The following ZSCAN25 variants were observed in gnomAD, a reference collection of about 807,000 sequenced individuals.
The protein encoded by ZSCAN25 is zinc finger and SCAN domain-containing protein 25.
A neutral mutation model predicts 38.7 loss-of-function variants in ZSCAN25; 27 were observed. The observed-to-expected ratio is 0.70, with a 90% CI of 0.51 to 0.96. ZSCAN25 has a LOEUF of 0.96. Among genes scored for constraint, ZSCAN25 ranks in the 40% least tolerant of loss-of-function variants. ZSCAN25 has a pLI of 0.00. For missense variants in ZSCAN25, 637 were observed against 705.9 expected (o/e 0.90, Z 1.11); for synonymous variants, 273 against 277.7 (o/e 0.98, Z 0.17).
At chr7:99,690,713 C>G in the ZSCAN25 span, among the ~76,000 whole-genome samples, 6 of 152,068 alleles carry the variant, frequency 3.9e-5, no homozygotes, top group Non-Finnish European at 8.8e-5. Context: ...CACTGGCCAT[C>G]AGAGAAATGC....
At chr7:99,633,697 T>C (rs1443074844), downstream of ZSCAN25, among the ~76,000 whole-genome samples, 2 of 152,192 alleles carry the variant, frequency 1.3e-5, no homozygotes, top group African/African-American at 4.8e-5. Flanking sequence ...TTGCAAAGTA[T>C]TGAGATTACA....
At chr7:99,618,770 T>C (rs568163586) in intron 2 of ZSCAN25, 119 bp downstream of exon 2, 7 of 152,240 alleles carry the variant, frequency 4.6e-5, no homozygotes, top group African/African-American at 9.6e-5. Context: ...AAGTTCATAA[T>C]TCTTTCTGTG....
At chr7:99,683,602 C>T in the ZSCAN25 span, among the ~76,000 whole-genome samples, 1 of 152,194 alleles carries the variant, frequency 6.6e-6, no homozygotes, top group South Asian at 2.1e-4. Flanking sequence ...GTAGTGAAAC[C>T]TCACCCATCC....
At chr7:99,651,239 G>A in the ZSCAN25 span, among the ~76,000 whole-genome samples, 1 of 152,098 alleles carries the variant, frequency 6.6e-6, no homozygotes, top group Non-Finnish European at 1.5e-5. Context: ...TTGTGTATAT[G>A]TCAAACATTC....
At chr7:99,655,564 T>C in the ZSCAN25 span, among the ~76,000 whole-genome samples, 1 of 152,242 alleles carries the variant, frequency 6.6e-6, no homozygotes. Flanking sequence ...CAATGCGGGC[T>C]CTTTTTTGGT....
the ZSCAN25 span, chr7:99,731,141 C>A: frequency 1.5e-5 from 24 of 1,613,544 alleles, 1 homozygote; most frequent in South Asian, 2.6e-4. Flanking sequence ...TCCATGTGTA[C>A]GGGTTCCATA....
chr7:99,666,662 C>T, the ZSCAN25 span: 9 of 1,613,962 alleles, frequency 5.6e-6, no homozygotes, highest in Non-Finnish European at 7.6e-6. Flanking sequence ...ACCAATACAT[C>T]TCCATACTGG....
the ZSCAN25 span, among the ~76,000 whole-genome samples, chr7:99,682,482 C>G: frequency 6.6e-6 from 1 of 152,162 alleles, no homozygotes; most frequent in Non-Finnish European, 1.5e-5. Context: ...TTTCATTGGT[C>G]TGTGTCTGTT....
At chr7:99,734,918 G>A in the ZSCAN25 span, 2 of 1,562,104 alleles carry the variant, frequency 1.3e-6, no homozygotes, top group Non-Finnish European at 1.8e-6. Context: ...ACCACGGCCA[G>A]CCTGAACATC....
At chr7:99,632,866 T>A (rs906389846), downstream of ZSCAN25, among the ~76,000 whole-genome samples, 2 of 152,184 alleles carry the variant, frequency 1.3e-5, no homozygotes, top group East Asian at 1.9e-4. Flanking sequence ...ATAATATAAT[T>A]TGTTGCTTTG....
chr7:99,627,748 ATCGTATATGCTGTATACGTATATC>A (rs1554410321), intron 7 of ZSCAN25, among the ~76,000 whole-genome samples: 1 of 150,842 alleles, frequency 6.6e-6, no homozygotes, highest in Admixed American at 6.6e-5. Context: ...GTATACGTAT[ATCGTATATGCTGTATACGTATATC>A]TCGTATATGC....
chr7:99,665,940 C>T, the ZSCAN25 span, among the ~76,000 whole-genome samples: 3 of 152,180 alleles, frequency 2.0e-5, no homozygotes, highest in Non-Finnish European at 4.4e-5. Flanking sequence ...AAAAATAGAT[C>T]TCTCCAACAT....
the ZSCAN25 span, chr7:99,722,386 T>C: frequency 1.9e-6 from 3 of 1,608,220 alleles, no homozygotes; most frequent in South Asian, 3.3e-5. Context: ...ATTATTATTT[T>C]AAGTGTACTT....
At chr7:99,636,193 C>G (rs1490080473), downstream of ZSCAN25, among the ~76,000 whole-genome samples, 4 of 151,832 alleles carry the variant, frequency 2.6e-5, no homozygotes, top group Non-Finnish European at 5.9e-5. Context: ...CCTTAAAATG[C>G]AATCATTTAA....
At chr7:99,695,872 A>G in the ZSCAN25 span, 1 of 1,593,778 alleles carries the variant, frequency 6.3e-7, no homozygotes, top group Non-Finnish European at 8.6e-7. Context: ...GGTCTCAGGG[A>G]TTGTGACTTT....
chr7:99,677,736 C>T, the ZSCAN25 span, among the ~76,000 whole-genome samples: 1 of 152,218 alleles, frequency 6.6e-6, no homozygotes, highest in Non-Finnish European at 1.5e-5. Context: ...CCTGCCAAAG[C>T]CAGGGTGGCC....
Position 99,624,137 on chromosome 7 carries a change from C to A in ZSCAN25, c.762C>A (p.Cys254Ter). The A allele has an allele frequency of 6.2e-7, 1 of 1,613,994 alleles. No homozygotes were observed. Among genetic ancestry groups the A allele is most frequent in the Non-Finnish European group, 8.5e-7 (1 of 1,179,948 alleles). The change falls in exon 7 of 8, where the codon TGC becomes TGA. Residue 254 changes from cysteine (C) to a stop codon, truncating the protein, a stop_gained. Coordinates refer to ENST00000394152, the MANE Select transcript of ZSCAN25 (RefSeq NM_145115.3). LOFTEE classifies it low-confidence loss of function (END_TRUNC). Reference protein sequence around the residue: ...WRHVTPAQIDCFGEYVEPQDC... With the variant: ...WRHVTPAQID ...ATGTGACCCCAGCCCAGATAGACTG[C>A]TTTGGGGAGTATGTGGAACCGCAGG...
At position 99,631,622 on chromosome 7, in the gene ZSCAN25, T is replaced by C; in HGVS notation, c.*1602T>C. 1 of 985,422 alleles carries C rather than the reference T, an allele frequency of 1.0e-6. No individual in the cohort carries two copies. Among genetic ancestry groups the C allele is most frequent in the Non-Finnish European group, 1.2e-6 (1 of 829,928 alleles). 61.0% of individuals were successfully genotyped at this position (985,422 alleles called of 1,614,324 possible). A position where few individuals can be genotyped will look rare whatever the true frequency, so the allele number is the denominator to read the frequency against. On this transcript the variant is annotated 3_prime_UTR_variant, in exon 8 of 8. Coordinates refer to ENST00000394152, the MANE Select transcript of ZSCAN25 (RefSeq NM_145115.3). ...ATACCAGATTCTTTTACTGAGATTTTTTTTTTTCATTTTCCATTGTAAATA... is the reference window on the plus strand; with the variant it reads ...ATACCAGATTCTTTTACTGAGATTTCTTTTTTTCATTTTCCATTGTAAATA...
chr7:99,689,018 G>C, the ZSCAN25 span, among the ~76,000 whole-genome samples: 1 of 152,278 alleles, frequency 6.6e-6, no homozygotes, highest in South Asian at 2.1e-4. Context: ...ATTCAAAGCA[G>C]TATGTAGAGG....
Sources: allele counts gnomAD v4.1 joint callset (sites outside exome capture counted in the v4.1 genomes callset), GRCh38; gene constraint gnomAD v4.1.1; transcripts MANE v1.5; gene names NCBI Gene and HGNC (gene_info 2026-07-23, HGNC 2026-07-21).